The following ZFC3H1 variants were observed in gnomAD, a reference collection of about 807,000 sequenced individuals.
ZFC3H1 encodes the protein zinc finger C3H1 domain-containing protein.
Under a neutral mutation model 243.7 loss-of-function variants are expected in ZFC3H1, and 71 were observed. The observed-to-expected ratio is 0.29, with a 90% confidence interval of 0.24 to 0.36. The LOEUF (loss-of-function observed/expected upper bound fraction) is 0.36, where lower values mean the gene tolerates loss of function less well. ZFC3H1 is among the 10% of genes least tolerant of loss of function. ZFC3H1 has a pLI of 1.00. For missense variants in ZFC3H1, 1,966 were observed against 2,317.1 expected, an observed-to-expected ratio of 0.85 and a Z score of 3.11; for synonymous variants, 838 against 813.0, an observed-to-expected ratio of 1.03 and a Z score of -0.52.
chr12:71,614,015 C>T (rs890904021), intron 30 of ZFC3H1, among the ~76,000 whole-genome samples: 4 of 152,048 alleles, frequency 2.6e-5, no homozygotes, highest in Admixed American at 2.6e-4. Context: ...AATCACAAAA[C>T]TATATCATTA....
At chr12:71,612,300 T>G (rs1879793378) in intron 31 of ZFC3H1, among the ~76,000 whole-genome samples, 2 of 152,118 alleles carry the variant, frequency 1.3e-5, no homozygotes, top group African/African-American at 4.8e-5. Context: ...CTATTAAAGT[T>G]CTTTATTCTC....
rs1268367629 is a variant in ZFC3H1 at position 71,623,389 on chromosome 12, T to C, written c.4715A>G (p.Asn1572Ser). The change falls in exon 24 of 35, where the codon AAT (asparagine) becomes AGT (serine). Residue 1572 changes from asparagine (N) to serine (S), a missense_variant. By Grantham distance (46) the Asn-to-Ser change is conservative. Coordinates refer to ENST00000378743, the MANE Select transcript of ZFC3H1 (RefSeq NM_144982.5). ...AAAAACTGCTAACAACATGTCAGGA[T>C]TAGTCTTTACATCTTGAACAGCTTG... ...PWQAVQDVKTNPDMLLAVFED... is the reference protein window; with the variant it reads ...PWQAVQDVKTSPDMLLAVFED... The C allele has an allele frequency of 6.2e-7, 1 of 1,612,824 alleles. No individual in the cohort carries two copies. The highest frequency in any genetic ancestry group is 1.1e-5 in the South Asian group (1 of 90,802).
chr12:71,643,974 T>C (rs1880663223), intron 5 of ZFC3H1, 121 bp downstream of exon 5: 1 of 851,250 alleles, frequency 1.2e-6, no homozygotes, highest in East Asian at 2.7e-5. Context: ...AATTATAACC[T>C]ACCTTCCTTT....
intron 33 of ZFC3H1, 26 bp from the exon 34 acceptor site, chr12:71,610,783 C>A (rs1879748761): frequency 1.3e-6 from 2 of 1,599,142 alleles, no homozygotes; most frequent in Non-Finnish European, 1.7e-6. Context: ...ACACACAATT[C>A]CATCAGAAAA....
intron 27 of ZFC3H1, among the ~76,000 whole-genome samples, chr12:71,618,197 G>A (rs749911650): frequency 6.6e-6 from 1 of 151,724 alleles, no homozygotes; most frequent in Non-Finnish European, 1.5e-5. Flanking sequence ...CCTGGGAGAC[G>A]GAGGTTGCAA....
intron 27 of ZFC3H1, among the ~76,000 whole-genome samples, chr12:71,618,126 G>A (rs1194295933): frequency 7.9e-5 from 12 of 151,950 alleles, no homozygotes; most frequent in African/African-American, 1.4e-4. Context: ...TTAGCCGGGC[G>A]TGGGGGTGTG....
At chr12:71,626,504 T>C (rs1010349292) in intron 21 of ZFC3H1, 58 bp from the exon 22 acceptor site, 62 of 1,456,094 alleles carry the variant, frequency 4.3e-5, no homozygotes, top group Non-Finnish European at 5.6e-5. Flanking sequence ...AAAATTTAAA[T>C]AGGGCTAATC....
At position 71,614,482 on chromosome 12, in the gene ZFC3H1, A is replaced by G. The variant is rs1035947494; in HGVS notation, c.5526+53T>C. On this transcript the variant is annotated intron_variant, in intron 30 of 34. Transcript: ENST00000378743. ...AAACAGGAGTTTTGCTATCATTTTT[A>G]AAGTCTCTTTGTTTTACACAAATAT... is the stretch of plus-strand genomic sequence containing the variant. 4.7e-6 allele frequency: 7 copies of G among 1,481,284 alleles called. No homozygotes were observed. The African/African-American group carries it at 1.0e-4, about 21-fold the overall frequency. The allele number at this position is 1,481,284 out of a possible 1,614,324, so 91.8% of individuals were successfully genotyped here.
intron 5 of ZFC3H1, among the ~76,000 whole-genome samples, chr12:71,643,880 A>G (rs950438456): frequency 1.3e-5 from 2 of 152,212 alleles, no homozygotes; most frequent in African/African-American, 4.8e-5. Flanking sequence ...AAAATCGTAA[A>G]AAACCTAAAA....
intron 9 of ZFC3H1, among the ~76,000 whole-genome samples, chr12:71,635,919 T>C (rs1371346493): frequency 6.6e-6 from 1 of 152,176 alleles, no homozygotes; most frequent in East Asian, 1.9e-4. Flanking sequence ...ATTCTGTACT[T>C]TGTGGTTACA....
chr12:71,663,107 G>A lies in ZFC3H1; in HGVS notation c.504C>T (p.Gly168=), dbSNP rs886981067. Residue 168 remains glycine (G), a synonymous_variant, in exon 1 of 35, where the codon GGC becomes GGT. Transcript: ENST00000378743. ...CCAGAGGAGGTCTGCACCCCGGCTT[G>A]CCTCCTCGCTCACCCACTCCTCGCC... ...SRGRGVGERG[G]KPGCRPPLGG... is the part of the protein sequence containing the mutation. 1.2e-6 allele frequency: 2 copies of A among 1,613,696 alleles called. No individual in the cohort carries two copies. Among genetic ancestry groups the A allele is most frequent in the African/African-American group, 2.7e-5 (2 of 74,908 alleles).
rs1879888068 is a variant in ZFC3H1, at chr12:71,616,087, C to A, written c.5145-771G>T. 2.6e-5 allele frequency among the ~76,000 whole-genome samples: 4 copies of A among 152,060 alleles called. No homozygotes were observed. The South Asian group carries it at 8.3e-4, about 32-fold the overall frequency. ...GGTGGTTCACTTAAGGTCAGGAGTT[C>A]AAGATCAGCCTGGCTAACAACTTGG... On this transcript the variant is annotated intron_variant, in intron 27 of 34. Transcript: ENST00000378743.
At chr12:71,621,597 C>T (rs981748228) in intron 24 of ZFC3H1, among the ~76,000 whole-genome samples, 3 of 152,030 alleles carry the variant, frequency 2.0e-5, no homozygotes, top group African/African-American at 7.2e-5. Flanking sequence ...TGAGGCACCA[C>T]GCACGGCCAA....
At chr12:71,654,664 G>A (rs1194937647) in intron 2 of ZFC3H1, among the ~76,000 whole-genome samples, 1 of 151,418 alleles carries the variant, frequency 6.6e-6, no homozygotes, top group African/African-American at 2.4e-5. Context: ...AAAATTGTGT[G>A]AAGAAAAATA....
chr12:71,660,651 C>A (rs1881143920), intron 1 of ZFC3H1, among the ~76,000 whole-genome samples: 1 of 151,990 alleles, frequency 6.6e-6, no homozygotes, highest in Non-Finnish European at 1.5e-5. Flanking sequence ...GCAGAAAGCC[C>A]ACTCACCTCC....
intron 27 of ZFC3H1, among the ~76,000 whole-genome samples, chr12:71,618,307 G>A (rs1592584166): frequency 6.6e-6 from 1 of 151,014 alleles, no homozygotes; most frequent in East Asian, 1.9e-4. Context: ...CAAAAAACAA[G>A]TTCTAGGTTG....
At position 71,627,944 on chromosome 12, in the gene ZFC3H1, A is replaced by C. The variant is rs557563789; in HGVS notation, c.3947-10T>G. On this transcript the variant is annotated splice_polypyrimidine_tract_variant and intron_variant, in intron 20 of 34. Coordinates refer to ENST00000378743, the MANE Select transcript of ZFC3H1 (RefSeq NM_144982.5). ...TTCTCTGGCTGGAAAGCTATTTAAA[A>C]AAAAAGTATTATTAGCTTCACATTT... 35 of 1,608,972 alleles carry C rather than the reference A, an allele frequency of 2.2e-5. No individual in the cohort carries two copies. The highest frequency in any genetic ancestry group is 2.9e-5 in the Non-Finnish European group (34 of 1,178,864).
intron 22 of ZFC3H1, 23 bp downstream of exon 22, chr12:71,626,237 C>T (rs911373046): frequency 3.1e-6 from 5 of 1,609,028 alleles, no homozygotes; most frequent in African/African-American, 2.7e-5. Context: ...CACACACACA[C>T]GTACGTTATC....
intron 24 of ZFC3H1, among the ~76,000 whole-genome samples, chr12:71,621,722 T>A (rs1880033965): frequency 6.6e-6 from 1 of 152,182 alleles, no homozygotes; most frequent in African/African-American, 2.4e-5. Context: ...CAGTTTTCTA[T>A]TAATGACACT....
Sources: allele counts gnomAD v4.1 joint callset (sites outside exome capture counted in the v4.1 genomes callset), GRCh38; gene constraint gnomAD v4.1.1; transcripts MANE v1.5; gene names NCBI Gene and HGNC (gene_info 2026-07-23, HGNC 2026-07-21).